The following PCDHA8 variants were observed in gnomAD, a reference collection of about 807,000 sequenced individuals.
PCDHA8 encodes the protein protocadherin alpha-8.
In PCDHA8, 53 loss-of-function variants were observed where a neutral mutation model predicts 61.8. That is an observed-to-expected ratio of 0.86 (90% CI 0.69 to 1.08). The LOEUF (loss-of-function observed/expected upper bound fraction) is 1.08, where lower values mean the gene tolerates loss of function less well. PCDHA8 is among the 50% of genes least tolerant of loss of function. PCDHA8 has a pLI of 0.00. For synonymous variants in PCDHA8, 618 were observed against 556.6 expected (o/e 1.11, Z -1.55); for missense variants, 1,293 against 1,245.0 (o/e 1.04, Z -0.58).
At chr5:141,004,564 T>C (rs1205705593) in intron 3 of PCDHA8, among the ~76,000 whole-genome samples, 1 of 152,196 alleles carries the variant, frequency 6.6e-6, no homozygotes, top group Non-Finnish European at 1.5e-5. Flanking sequence ...AAGATGAACA[T>C]ATCTCTGTGT....
At chr5:140,858,469 C>T (rs782532416) in intron 1 of PCDHA8, 2 of 1,520,006 alleles carry the variant, frequency 1.3e-6, no homozygotes, top group African/African-American at 1.4e-5. Context: ...TCCTTTTGTG[C>T]TTTATGAATA....
At chr5:140,877,489 G>C (rs782165291) in intron 1 of PCDHA8, 3 of 1,613,844 alleles carry the variant, frequency 1.9e-6, no homozygotes, top group Non-Finnish European at 1.7e-6. Context: ...GGTGGAGAAC[G>C]GCCAGGCCCC....
At chr5:140,857,184 G>C in intron 1 of PCDHA8, 1 of 1,598,552 alleles carries the variant, frequency 6.3e-7, no homozygotes. Flanking sequence ...CATGATTCAG[G>C]AGCCAACGGA....
chr5:140,981,185 T>C (rs2096921770), intron 2 of PCDHA8, among the ~76,000 whole-genome samples: 1 of 152,224 alleles, frequency 6.6e-6, no homozygotes. Flanking sequence ...TAGTTCAAGT[T>C]TGCCTGCTCT....
rs1554254172 is a variant in PCDHA8, at chr5:140,994,436, C to G, written c.2542+11873C>G. On this transcript the variant is annotated intron_variant, in intron 3 of 3. Coordinates refer to ENST00000531613, the MANE Select transcript of PCDHA8 (RefSeq NM_018911.3). ...TGGATATTGAGGCCGGGCGCAGTGG[C>G]TCACACCTGTGATCCCAGCACTTTG... 1.3e-5 allele frequency among the ~76,000 whole-genome samples: 2 copies of G among 152,164 alleles called. 1 individual carries two copies. Among genetic ancestry groups the G allele is most frequent in the African/African-American group, 4.8e-5 (2 of 41,432 alleles).
intron 1 of PCDHA8, among the ~76,000 whole-genome samples, chr5:140,945,201 T>C (rs1168662297): frequency 2.6e-5 from 4 of 152,054 alleles, no homozygotes; most frequent in Non-Finnish European, 5.9e-5. Flanking sequence ...CTATTTACAA[T>C]AGCTATGAGA....
intron 1 of PCDHA8, among the ~76,000 whole-genome samples, chr5:140,925,094 G>A (rs1489905457): frequency 6.6e-6 from 1 of 151,188 alleles, no homozygotes; most frequent in Non-Finnish European, 1.5e-5. Flanking sequence ...AGGAAGGAAG[G>A]AAGGAAGGAA....
At chr5:140,925,671 A>AATAATAATAATAATAATG (rs1445697337) in intron 1 of PCDHA8, among the ~76,000 whole-genome samples, 3 of 148,150 alleles carry the variant, frequency 2.0e-5, no homozygotes, top group African/African-American at 7.5e-5. Flanking sequence ...TAATAATAAT[A>AATAATAATAATAATAATG]ATAATAAAGC....
At chr5:140,856,441 G>C in intron 1 of PCDHA8, 1 of 1,598,410 alleles carries the variant, frequency 6.3e-7, no homozygotes. Flanking sequence ...ACCCGCCCAG[G>C]TTCTCCGTAA....
At chr5:140,851,008 T>C in intron 1 of PCDHA8, 2 of 1,437,046 alleles carry the variant, frequency 1.4e-6, no homozygotes, top group East Asian at 4.8e-5. Flanking sequence ...CAGCAGATTT[T>C]TTTTCTGATA....
At chr5:140,880,173 C>T (rs2058257400) in intron 1 of PCDHA8, among the ~76,000 whole-genome samples, 1 of 152,006 alleles carries the variant, frequency 6.6e-6, no homozygotes, top group Non-Finnish European at 1.5e-5. Context: ...AGAAGTTAAA[C>T]ATGAAGGGAA....
rs150518215 is a variant in PCDHA8, at chr5:140,883,444, T to G, written c.2394+39729T>G. On this transcript the variant is annotated intron_variant, in intron 1 of 3. Transcript: ENST00000531613. ...AGGTCACCTGCACCTTGACGCCGCATGTCCCCTTCAAGCTGGTGTCCACCT... is the reference window on the plus strand; with the variant it reads ...AGGTCACCTGCACCTTGACGCCGCAGGTCCCCTTCAAGCTGGTGTCCACCT... The G allele has an allele frequency of 2.5e-6, 4 of 1,614,052 alleles. No individual in the cohort carries two copies. In the African/African-American group the frequency reaches 4.0e-5, roughly 16 times the overall value.
chr5:140,911,745 A>G (rs573838491), intron 1 of PCDHA8, among the ~76,000 whole-genome samples: 7 of 151,408 alleles, frequency 4.6e-5, no homozygotes, highest in Non-Finnish European at 1.0e-4. Flanking sequence ...AAGGACTATC[A>G]GTGTTCTCCA....
chr5:140,950,671 A>G (rs1222424193), intron 1 of PCDHA8, among the ~76,000 whole-genome samples: 2 of 152,074 alleles, frequency 1.3e-5, no homozygotes, highest in Non-Finnish European at 2.9e-5. Context: ...TCAAACATGT[A>G]CATGTATATT....
Position 140,842,503 on chromosome 5 carries a change from C to T in PCDHA8, c.1182C>T (p.Pro394=), listed in dbSNP as rs2150337582. Residue 394 remains proline (P), a synonymous_variant, in exon 1 of 4, where the codon CCC becomes CCT. Transcript: ENST00000531613. Reference sequence around the variant, plus strand: ...CCTGCTCCCTGATGCCCCATGTCCCCTTCAAGCTGGTGTCCACCTTCAAGA... The same window carrying T: ...CCTGCTCCCTGATGCCCCATGTCCCTTTCAAGCTGGTGTCCACCTTCAAGA... ...QVTCSLMPHV[P]FKLVSTFKNY... 2.5e-5 allele frequency: 40 copies of T among 1,613,818 alleles called. No homozygotes were observed. Among genetic ancestry groups the T allele is most frequent in the South Asian group, 2.0e-4 (18 of 91,062 alleles).
chr5:140,861,270 A>G (rs900401240), intron 1 of PCDHA8: 2 of 180,284 alleles, frequency 1.1e-5, no homozygotes, highest in South Asian at 1.2e-4. Flanking sequence ...AGCCTACAGC[A>G]CTGGCTTCTG....
chr5:140,981,726 T>C (rs1554243283), intron 2 of PCDHA8, among the ~76,000 whole-genome samples: 1 of 151,710 alleles, frequency 6.6e-6, no homozygotes, highest in Non-Finnish European at 1.5e-5. Context: ...CCAACAAATA[T>C]TTGAGAGATT....
intron 3 of PCDHA8, among the ~76,000 whole-genome samples, chr5:141,004,580 A>G (rs782539696): frequency 5.3e-5 from 8 of 152,222 alleles, no homozygotes; most frequent in Non-Finnish European, 1.2e-4. Context: ...TGTGTTCTGC[A>G]TCTCCAGATG....
At chr5:140,969,064 C>T (rs2096292525) in intron 1 of PCDHA8, 1 of 1,614,136 alleles carries the variant, frequency 6.2e-7, no homozygotes, top group Non-Finnish European at 8.5e-7. Context: ...ATATTGATGC[C>T]AGGATACCGC....
Sources: gnomAD v4.1 joint callset for allele counts (sites outside exome capture counted in the v4.1 genomes callset) on GRCh38, gnomAD v4.1.1 for gene constraint, MANE v1.5 for transcripts, NCBI Gene and HGNC (gene_info 2026-07-23, HGNC 2026-07-21) for gene names.